TFDP1: variants seen among roughly 807,000 people sequenced by gnomAD.
TFDP1 encodes DRTF1-polypeptide 1.
A neutral mutation model predicts 48.0 loss-of-function variants in TFDP1; 6 were observed. The observed-to-expected ratio is 0.13, with a 90% CI of 0.07 to 0.25. The LOEUF (loss-of-function observed/expected upper bound fraction) is 0.25, where lower values mean the gene tolerates loss of function less well. Among genes scored for constraint, TFDP1 ranks in the 10% least tolerant of loss-of-function variants. The probability of loss-of-function intolerance (pLI) is 1.00; values close to 1 mark genes in which losing one functional copy is unlikely to be tolerated. For missense variants in TFDP1, 335 were observed against 543.0 expected, an observed-to-expected ratio of 0.62 and a Z score of 3.81; for synonymous variants, 201 against 211.6, an observed-to-expected ratio of 0.95 and a Z score of 0.44.
chr13:113,588,510 A>AAG (rs1213365072), intron 2 of TFDP1, among the ~76,000 whole-genome samples: 2 of 152,346 alleles, frequency 1.3e-5, no homozygotes, highest in Non-Finnish European at 2.9e-5. Flanking sequence ...GGGCAGAAAG[A>AAG]AGAGGATGAG....
intron 3 of TFDP1, among the ~76,000 whole-genome samples, chr13:113,612,949 C>T (rs550301787): frequency 7.9e-5 from 12 of 152,316 alleles, no homozygotes; most frequent in Non-Finnish European, 1.8e-4. Flanking sequence ...TTCCCTGGAT[C>T]GCCGGCAGCA....
intron 2 of TFDP1, among the ~76,000 whole-genome samples, chr13:113,594,565 G>T (rs1334510468): frequency 1.3e-5 from 2 of 152,108 alleles, no homozygotes; most frequent in Non-Finnish European, 2.9e-5. Context: ...CCCTGCCCAG[G>T]TGATAGGTGT....
chr13:113,605,439 T>C (rs533271363), intron 2 of TFDP1, among the ~76,000 whole-genome samples: 8 of 152,330 alleles, frequency 5.3e-5, no homozygotes, highest in African/African-American at 1.7e-4. Context: ...AACAGACAAA[T>C]GTAGTGGCTT....
chr13:113,622,305 G>A (rs1196287724), intron 3 of TFDP1, among the ~76,000 whole-genome samples: 3 of 152,040 alleles, frequency 2.0e-5, no homozygotes, highest in Non-Finnish European at 4.4e-5. Context: ...TCTCGTCTCC[G>A]CACACGGGGA....
chr13:113,594,113 C>T (rs931278391), intron 2 of TFDP1, among the ~76,000 whole-genome samples: 13 of 144,800 alleles, frequency 9.0e-5, no homozygotes, highest in Non-Finnish European at 1.5e-4. Flanking sequence ...TACGTGGGTC[C>T]TCAGCCCTGC....
intron 4 of TFDP1, among the ~76,000 whole-genome samples, chr13:113,631,075 T>C (rs907492049): frequency 2.0e-5 from 3 of 152,252 alleles, no homozygotes. Flanking sequence ...GCTGTCACCC[T>C]GCTGGGCTGG....
At chr13:113,618,462 A>G (rs2048916205) in intron 3 of TFDP1, among the ~76,000 whole-genome samples, 1 of 152,206 alleles carries the variant, frequency 6.6e-6, no homozygotes, top group Non-Finnish European at 1.5e-5. Flanking sequence ...TGGAGGTTGC[A>G]GTGAGCTGAG....
Position 113,588,977 on chromosome 13 carries a change from CAGTG to C in TFDP1, c.12+3133_12+3136del, listed in dbSNP as rs1475475148. Among the ~76,000 whole-genome samples the C allele has an allele frequency of 9.1e-5, 12 of 131,896 alleles. No homozygotes were observed. In the East Asian group the frequency reaches 2.5e-3, roughly 28 times the overall value. The allele number at this position is 131,896 out of a possible 152,430, so 86.5% of individuals were successfully genotyped here. On this transcript the variant is annotated intron_variant, in intron 2 of 11. Coordinates refer to ENST00000375370, the MANE Select transcript of TFDP1 (RefSeq NM_007111.5). The stretch of plus-strand genomic sequence containing the variant: ...GAGTGATGGTAGTGTTGTGGGTGGA[CAGTG>C]AGTGGTGATGGTGGTAGACTGGAGG...
At position 113,633,207 on chromosome 13, in the gene TFDP1, C is replaced by T; in HGVS notation, c.396C>T (p.Thr132=). 1 of 1,614,120 alleles carries T rather than the reference C, an allele frequency of 6.2e-7. No individual in the cohort carries two copies. ...GCGAGAAGGTGCAGAGGAAAGGGAC[C>T]ACTTCCTACAACGAAGTGGCAGACG... is the stretch of plus-strand genomic sequence containing the variant. ...KVCEKVQRKG[T]TSYNEVADEL... Residue 132 remains threonine, a synonymous_variant, in exon 6 of 12, where the codon ACC becomes ACT. Transcript: ENST00000375370. This position sits in a 1 kb window ranked among gnomAD's most constrained non-coding sequence, Gnocchi z 4.5.
At chr13:113,636,428 G>A (rs551251984) in intron 9 of TFDP1, 106 bp from the exon 10 acceptor site, 17 of 1,289,684 alleles carry the variant, frequency 1.3e-5, no homozygotes, top group Non-Finnish European at 1.8e-5. Flanking sequence ...CTGGGAACCG[G>A]GAAGCTGTGT....
chr13:113,605,221 G>A (rs1463831235), intron 2 of TFDP1, among the ~76,000 whole-genome samples: 1 of 152,280 alleles, frequency 6.6e-6, no homozygotes, highest in African/African-American at 2.4e-5. Flanking sequence ...CAGAGAGTGA[G>A]TGTGGCTTTG....
Position 113,623,200 on chromosome 13 carries a change from G to A in TFDP1, c.100G>A (p.Val34Ile), listed in dbSNP as rs201938481. Residue 34 changes from valine to isoleucine, a missense_variant, in exon 4 of 12, where the codon GTT (valine) becomes ATT (isoleucine). By Grantham distance (29) the Val-to-Ile change is conservative. Around this residue, in one of 3 missense-constraint regions of TFDP1, gnomAD observed 103 missense variants for 140.4 expected, o/e 0.73. Coordinates refer to ENST00000375370, the MANE Select transcript of TFDP1 (RefSeq NM_007111.5). The surrounding 1 kb of genome is among the most constrained non-coding windows in gnomAD (Gnocchi z 5.2). ...PGKGVVSLVAVHPSTVNPLGK... is the reference protein window; with the variant it reads ...PGKGVVSLVAIHPSTVNPLGK... ...TGCAGGCGTGGTGTCCCTCGTGGCC[G>A]TTCACCCCTCCACCGTCAACCCGCT... 14 of 1,613,266 alleles carry A rather than the reference G, an allele frequency of 8.7e-6. No individual in the cohort carries two copies. The Admixed American group carries it at 1.5e-4, about 17-fold the overall frequency.
chr13:113,609,958 C>T (rs561694731), intron 2 of TFDP1, among the ~76,000 whole-genome samples: 20 of 152,360 alleles, frequency 1.3e-4, no homozygotes, highest in Admixed American at 2.6e-4. Flanking sequence ...ATGGCTTTTC[C>T]TTCGCAGAGC....
At chr13:113,618,454 G>T (rs2048915964) in intron 3 of TFDP1, among the ~76,000 whole-genome samples, 1 of 152,182 alleles carries the variant, frequency 6.6e-6, no homozygotes, top group African/African-American at 2.4e-5. Flanking sequence ...CCGGGAGGTG[G>T]AGGTTGCAGT....
chr13:113,628,709 T>C (rs1482960606), intron 4 of TFDP1, among the ~76,000 whole-genome samples: 1 of 152,182 alleles, frequency 6.6e-6, no homozygotes, highest in Non-Finnish European at 1.5e-5. Context: ...CAATACCTCC[T>C]TTTTTTCCCT....
chr13:113,638,517 C>T (rs1267422268), intron 11 of TFDP1, among the ~76,000 whole-genome samples: 1 of 149,558 alleles, frequency 6.7e-6, no homozygotes. Context: ...GATTATGGTA[C>T]ACGTATTTTT....
chr13:113,591,265 C>T (rs1417174523), intron 2 of TFDP1, among the ~76,000 whole-genome samples: 49 of 150,070 alleles, frequency 3.3e-4, no homozygotes, highest in African/African-American at 1.0e-3. Flanking sequence ...CGCTTGAACC[C>T]GGGAGGCGGA....
At chr13:113,625,113 CGTGTCCTCAG>C (rs1271922331) in intron 4 of TFDP1, among the ~76,000 whole-genome samples, 2 of 104,130 alleles carry the variant, frequency 1.9e-5, no homozygotes. Context: ...GTGTCTCTCA[CGTGTCCTCAG>C]GTGTCTCTCA....
intron 4 of TFDP1, among the ~76,000 whole-genome samples, chr13:113,626,096 CTCAGGT>C (rs2049171006): frequency 7.3e-6 from 1 of 136,736 alleles, no homozygotes; most frequent in African/African-American, 3.3e-5. Context: ...TCAGGTGTTT[CTCAGGT>C]GTCTCTCACG....
Sources: gnomAD v4.1 joint callset for allele counts (sites outside exome capture counted in the v4.1 genomes callset) on GRCh38, gnomAD v4.1.1 for gene constraint, gnomAD v4.1.1 regional missense constraint, Gnocchi (gnomAD v3.1) non-coding constraint, MANE v1.5 for transcripts, NCBI Gene and HGNC (gene_info 2026-07-23, HGNC 2026-07-21) for gene names.